Variants in PLAAT2 observed in about 807,000 individuals in gnomAD.
The protein encoded by PLAAT2 is phospholipase A and acyltransferase 2.
PLAAT2 carries 12 observed loss-of-function variants against 12.8 expected under a neutral mutation model. That is an observed-to-expected ratio of 0.94 (90% CI 0.60 to 1.52). The LOEUF is 1.52. Among genes scored for constraint, PLAAT2 ranks in the 40% most tolerant of loss-of-function variants. PLAAT2 has a pLI of 0.00. For synonymous variants in PLAAT2, 79 were observed against 86.8 expected (o/e 0.91, Z 0.50); for missense variants, 166 against 208.1 (o/e 0.80, Z 1.24).
intron 3 of PLAAT2, among the ~76,000 whole-genome samples, chr11:63,555,439 G>A (rs2017458188): frequency 1.3e-5 from 2 of 152,176 alleles, no homozygotes; most frequent in South Asian, 4.1e-4. Flanking sequence ...TGTAATCCTA[G>A]CAGTTTGGGA....
chr11:63,563,305 T>G lies in PLAAT2; in HGVS notation c.9+11A>C. 6.2e-7 allele frequency: 1 copy of G among 1,614,080 alleles called. No homozygotes were observed. The highest frequency in any genetic ancestry group is 8.5e-7 in the Non-Finnish European group (1 of 1,180,006). ...CAAATCAAAGCTTTAAAACCGTTTC[T>G]GGGGACTTACCAAAGCCATCCTTCC... On this transcript the variant is annotated intron_variant, in intron 1 of 3. Coordinates refer to ENST00000255695, the MANE Select transcript of PLAAT2 (RefSeq NM_017878.2).
At chr11:63,560,228 G>A in intron 1 of PLAAT2, 35 bp from the exon 2 acceptor site, 2 of 1,517,400 alleles carry the variant, frequency 1.3e-6, no homozygotes, top group Non-Finnish European at 1.8e-6. Context: ...GCAGAGGTGA[G>A]CCATCTGCAG....
At chr11:63,557,732 C>G (rs2017478498) in intron 3 of PLAAT2, among the ~76,000 whole-genome samples, 1 of 152,170 alleles carries the variant, frequency 6.6e-6, no homozygotes, top group East Asian at 1.9e-4. Flanking sequence ...ACAGAGAACA[C>G]CTGGCCCATA....
At chr11:63,564,147 C>G (rs1179302835), upstream of PLAAT2, among the ~76,000 whole-genome samples, 6 of 152,200 alleles carry the variant, frequency 3.9e-5, no homozygotes, top group Non-Finnish European at 7.3e-5. Flanking sequence ...ACCCTGGAAA[C>G]AGAGTGAGCC....
chr11:63,562,111 G>A (rs1021356580), intron 1 of PLAAT2, among the ~76,000 whole-genome samples: 3 of 152,210 alleles, frequency 2.0e-5, no homozygotes, highest in African/African-American at 7.2e-5. Flanking sequence ...TACTTGTAAG[G>A]TAGCCATATA....
intron 1 of PLAAT2, 95 bp from the exon 2 acceptor site, chr11:63,560,288 T>G: frequency 1.2e-6 from 1 of 810,198 alleles, no homozygotes; most frequent in Non-Finnish European, 2.0e-6. Context: ...AGCCTGCAGA[T>G]TCCCTGTGCT....
At chr11:63,564,871 C>G (rs1051214185), upstream of PLAAT2, among the ~76,000 whole-genome samples, 1 of 152,102 alleles carries the variant, frequency 6.6e-6, no homozygotes, top group African/African-American at 2.4e-5. Flanking sequence ...AGGACTTCCA[C>G]GTGCTGTCTG....
chr11:63,563,385 T>G, upstream of PLAAT2: 1 of 1,607,312 alleles, frequency 6.2e-7, no homozygotes, highest in Non-Finnish European at 8.5e-7. Context: ...AAATTAGCTC[T>G]GAGTTTCACT....
chr11:63,559,943 G>A, intron 2 of PLAAT2, 142 bp downstream of exon 2: 1 of 583,154 alleles, frequency 1.7e-6, no homozygotes, highest in East Asian at 2.8e-5. Context: ...GCTACATCTA[G>A]CAGGAAAAAG....
chr11:63,561,644 C>CAAAAAA (rs61140464), intron 1 of PLAAT2, among the ~76,000 whole-genome samples: 4 of 35,998 alleles, frequency 1.1e-4, no homozygotes, highest in African/African-American at 3.2e-4. Context: ...GACTCCATCA[C>CAAAAAA]AAAAAAAAAA....
At chr11:63,557,811 C>T (rs2134370972) in intron 3 of PLAAT2, among the ~76,000 whole-genome samples, 1 of 152,302 alleles carries the variant, frequency 6.6e-6, no homozygotes, top group East Asian at 1.9e-4. Context: ...GGCTTTTCCC[C>T]TTCCTGGCTC....
intron 3 of PLAAT2, among the ~76,000 whole-genome samples, chr11:63,555,516 C>T (rs1395893712): frequency 6.6e-6 from 1 of 152,074 alleles, no homozygotes; most frequent in Non-Finnish European, 1.5e-5. Flanking sequence ...GGTGAAACCC[C>T]ATTGCTACAA....
At position 63,563,337 on chromosome 11, in the gene PLAAT2, A is replaced by G; in HGVS notation, c.-13T>C. 2 of 1,614,104 alleles carry G rather than the reference A, an allele frequency of 1.2e-6. No homozygotes were observed. Among genetic ancestry groups the G allele is most frequent in the Non-Finnish European group, 1.7e-6 (2 of 1,180,014 alleles). On this transcript the variant is annotated 5_prime_UTR_variant, in exon 1 of 4. Coordinates refer to ENST00000255695, the MANE Select transcript of PLAAT2 (RefSeq NM_017878.2). ...TTACCAAAGCCATCCTTCCTTCAAG[A>G]TGATGTCTTGTGTGTTGCTGACTCT...
chr11:63,554,659 C>A (rs537296388), intron 3 of PLAAT2, among the ~76,000 whole-genome samples: 1 of 148,518 alleles, frequency 6.7e-6, no homozygotes, highest in African/African-American at 2.6e-5. Flanking sequence ...AAAGAACTCA[C>A]GCAAAGCCAC....
chr11:63,560,164 C>G lies in PLAAT2; in HGVS notation c.39G>C (p.Leu13=), dbSNP rs753095804. 1 of 1,613,770 alleles carries G rather than the reference C, an allele frequency of 6.2e-7. No homozygotes were observed. The highest frequency in any genetic ancestry group is 1.1e-5 in the South Asian group (1 of 90,986). The change falls in exon 2 of 4, where the codon CTG becomes CTC. Residue 13 remains leucine (L), a synonymous_variant. Transcript: ENST00000255695. ...LARPRPRLGD[L]IEISRFGYAH... ...CATAGCCAAAGCGAGAAATCTCAAT[C>G]AGGTCTCCAAGTCTCGGTCTTGGTC...
intron 3 of PLAAT2, among the ~76,000 whole-genome samples, chr11:63,556,999 G>A (rs2017472332): frequency 6.6e-6 from 1 of 152,160 alleles, no homozygotes; most frequent in African/African-American, 2.4e-5. Context: ...AAATAAGCCT[G>A]ATTAGGCTGA....
At chr11:63,561,992 A>T (rs1241107471) in intron 1 of PLAAT2, among the ~76,000 whole-genome samples, 1 of 152,226 alleles carries the variant, frequency 6.6e-6, no homozygotes, top group African/African-American at 2.4e-5. Flanking sequence ...GAATCACCCT[A>T]TTATTCCAAA....
chr11:63,554,456 A>AC lies in PLAAT2; in HGVS notation c.388-1392dup, dbSNP rs569186198. Among the ~76,000 whole-genome samples the AC allele has an allele frequency of 4.3e-3, 648 of 151,370 alleles. 2 individuals carry two copies. The highest frequency in any genetic ancestry group is 0.015 in the African/African-American group (615 of 41,170). ...AGACCAGCCTGGCCAACATGGTGAG[A>AC]CCCCCGTCTCCACTAAAAAAAATTA... On this transcript the variant is annotated intron_variant, in intron 3 of 3. Coordinates refer to ENST00000255695, the MANE Select transcript of PLAAT2 (RefSeq NM_017878.2).
Position 63,552,894 on chromosome 11 carries a change from A to G in PLAAT2, c.*70T>C. The G allele has an allele frequency of 1.9e-6, 2 of 1,035,334 alleles. No homozygotes were observed. The highest frequency in any genetic ancestry group is 1.3e-5 in the South Asian group (1 of 76,266). The allele number at this position is 1,035,334 out of a possible 1,614,324, so 64.1% of individuals were successfully genotyped here. On this transcript the variant is annotated 3_prime_UTR_variant, in exon 4 of 4. Transcript: ENST00000255695. ...ACAAAACAGTAAAATCAGTAAACCA[A>G]ACTCCACTCCTGCTGGCTAAATAAT...
Sources: gnomAD v4.1 joint callset for allele counts (sites outside exome capture counted in the v4.1 genomes callset) on GRCh38, gnomAD v4.1.1 for gene constraint, MANE v1.5 for transcripts, NCBI Gene and HGNC (gene_info 2026-07-23, HGNC 2026-07-21) for gene names.